Variants in MCTP1 observed in about 807,000 individuals in gnomAD.
MCTP1 encodes the protein multiple C2 and transmembrane domain-containing protein 1.
In MCTP1, 69 loss-of-function variants were observed where a neutral mutation model predicts 120.6. The ratio of observed to expected loss-of-function variants is 0.57; its 90% confidence interval spans 0.47 to 0.70. The LOEUF is 0.70. Ranked by LOEUF, MCTP1 falls within the 30% of genes least tolerant of loss-of-function variation. MCTP1 has a pLI of 0.00. For missense variants in MCTP1, 1,203 were observed against 1,248.8 expected (o/e 0.96, Z 0.55); for synonymous variants, 529 against 493.1 (o/e 1.07, Z -0.96).
chr5:95,269,809 CCTCT>C (rs1469055571), intron 1 of MCTP1, among the ~76,000 whole-genome samples: 1 of 152,200 alleles, frequency 6.6e-6, no homozygotes, highest in East Asian at 1.9e-4. Flanking sequence ...AGTTACTTAG[CCTCT>C]CTAAGAATTT....
chr5:95,255,242 C>T (rs1757760461), intron 1 of MCTP1, among the ~76,000 whole-genome samples: 1 of 152,126 alleles, frequency 6.6e-6, no homozygotes, highest in Admixed American at 6.5e-5. Context: ...AGAAGCAACC[C>T]TGTCTTACTA....
chr5:94,905,896 C>A (rs1055451578), intron 10 of MCTP1, among the ~76,000 whole-genome samples: 2 of 152,022 alleles, frequency 1.3e-5, no homozygotes, highest in African/African-American at 4.8e-5. Flanking sequence ...AGCTCCGAGG[C>A]TTTCCAGAAC....
At chr5:94,969,569 T>C (rs531476812) in intron 2 of MCTP1, among the ~76,000 whole-genome samples, 3 of 151,910 alleles carry the variant, frequency 2.0e-5, no homozygotes, top group Non-Finnish European at 4.4e-5. Flanking sequence ...CAATGCCAAA[T>C]TGCAACTCAG....
At chr5:95,089,958 T>G (rs1161261605) in intron 1 of MCTP1, among the ~76,000 whole-genome samples, 1 of 152,182 alleles carries the variant, frequency 6.6e-6, no homozygotes, top group African/African-American at 2.4e-5. Context: ...TCATTGTTGA[T>G]TGAATTCTCG....
chr5:95,262,946 T>C (rs1212038938), intron 1 of MCTP1, among the ~76,000 whole-genome samples: 4 of 152,216 alleles, frequency 2.6e-5, no homozygotes, highest in African/African-American at 9.6e-5. Flanking sequence ...GCATTTACTA[T>C]GTGCAAAGCA....
chr5:95,273,043 G>A (rs1258057427), intron 1 of MCTP1, among the ~76,000 whole-genome samples: 1 of 152,246 alleles, frequency 6.6e-6, no homozygotes, highest in African/African-American at 2.4e-5. Context: ...CTCAGCTAGA[G>A]ACAGCGTGGT....
At chr5:94,719,168 G>A (rs975211246) in intron 19 of MCTP1, among the ~76,000 whole-genome samples, 10 of 152,202 alleles carry the variant, frequency 6.6e-5, no homozygotes, top group African/African-American at 2.4e-4. Context: ...AACAGATGCT[G>A]GCAAGGCTAT....
At chr5:94,936,935 C>T (rs1816341947) in intron 5 of MCTP1, among the ~76,000 whole-genome samples, 1 of 152,038 alleles carries the variant, frequency 6.6e-6, no homozygotes, top group South Asian at 2.1e-4. Flanking sequence ...TGTTTCTCTA[C>T]AACCAAGCCC....
chr5:95,215,598 T>C (rs1161902572), intron 1 of MCTP1, among the ~76,000 whole-genome samples: 1 of 152,158 alleles, frequency 6.6e-6, no homozygotes, highest in East Asian at 1.9e-4. Context: ...CTTGTTGCTA[T>C]TTTTTGCTTT....
rs533255256 is a variant in MCTP1 at position 94,954,168 on chromosome 5, A to G, written c.839-807T>C. On this transcript the variant is annotated intron_variant, in intron 2 of 22. Transcript: ENST00000515393. ...TATACATATATATATGCATATATAT[A>G]CATATATATATATGCATATATATAT... Among the ~76,000 whole-genome samples, 20 of 93,360 alleles carry G rather than the reference A, an allele frequency of 2.1e-4. 5 individuals are homozygous for G. The highest frequency in any genetic ancestry group is 7.9e-4 in the African/African-American group (17 of 21,496). The allele number at this position is 93,360 out of a possible 152,430, so 61.2% of individuals were successfully genotyped here. A position where few individuals can be genotyped will look rare whatever the true frequency, so the allele number is the denominator to read the frequency against.
chr5:94,863,453 T>C (rs1366382208), intron 17 of MCTP1, among the ~76,000 whole-genome samples: 1 of 151,902 alleles, frequency 6.6e-6, no homozygotes, highest in Non-Finnish European at 1.5e-5. Context: ...ATTTTCAGAA[T>C]AGATATTTCT....
intron 17 of MCTP1, among the ~76,000 whole-genome samples, chr5:94,862,380 G>C (rs1157712696): frequency 6.6e-6 from 1 of 151,742 alleles, no homozygotes; most frequent in Non-Finnish European, 1.5e-5. Flanking sequence ...CCCTTTTGCT[G>C]ACATCTATTA....
chr5:94,891,856 G>A (rs759712545), intron 11 of MCTP1, among the ~76,000 whole-genome samples: 3 of 151,966 alleles, frequency 2.0e-5, no homozygotes, highest in Non-Finnish European at 4.4e-5. Context: ...TGCTATTTAC[G>A]GTTATTTTAG....
intron 1 of MCTP1, among the ~76,000 whole-genome samples, chr5:95,038,884 T>G (rs986390383): frequency 6.6e-6 from 1 of 152,202 alleles, no homozygotes; most frequent in South Asian, 2.1e-4. Flanking sequence ...CTTTACTGCC[T>G]CAAGCAAATA....
At chr5:95,062,243 G>A (rs1428207621) in intron 1 of MCTP1, among the ~76,000 whole-genome samples, 1 of 152,034 alleles carries the variant, frequency 6.6e-6, no homozygotes, top group African/African-American at 2.4e-5. Context: ...CTTTACTCAG[G>A]CAAGATTTAA....
chr5:94,918,762 A>AGG (rs1166725412), intron 7 of MCTP1, among the ~76,000 whole-genome samples: 1 of 152,230 alleles, frequency 6.6e-6, no homozygotes, highest in Non-Finnish European at 1.5e-5. Flanking sequence ...GCAGTCAGAA[A>AGG]GGTGGGTTAA....
intron 19 of MCTP1, among the ~76,000 whole-genome samples, chr5:94,735,322 A>AT: frequency 6.6e-6 from 1 of 151,096 alleles, no homozygotes. Flanking sequence ...ATTTGTCTAC[A>AT]TTTTTGGTTT....
At chr5:94,977,409 T>C (rs868672944) in intron 2 of MCTP1, among the ~76,000 whole-genome samples, 2 of 151,964 alleles carry the variant, frequency 1.3e-5, no homozygotes, top group African/African-American at 4.8e-5. Flanking sequence ...AAGCAATCTA[T>C]AGATTCAATG....
At chr5:94,971,144 T>G (rs112275700) in intron 2 of MCTP1, among the ~76,000 whole-genome samples, 2,279 of 152,178 alleles carry the variant, frequency 0.015, 62 homozygotes, top group African/African-American at 0.052. Flanking sequence ...CAGTTTTGTA[T>G]CCTTAAAATG....
Sources: allele counts gnomAD v4.1 joint callset (sites outside exome capture counted in the v4.1 genomes callset), GRCh38; gene constraint gnomAD v4.1.1; transcripts MANE v1.5; gene names NCBI Gene and HGNC (gene_info 2026-07-23, HGNC 2026-07-21).